Variants in PHKG1 observed in about 807,000 individuals in gnomAD.
PHKG1 encodes the protein phosphorylase kinase catalytic subunit gamma 1, also known as phosphorylase b kinase gamma catalytic chain, skeletal muscle/heart isoform.
A neutral mutation model predicts 50.5 loss-of-function variants in PHKG1; 48 were observed. That is an observed-to-expected ratio of 0.95 (90% CI 0.75 to 1.21). The LOEUF (loss-of-function observed/expected upper bound fraction) is 1.21, where lower values mean the gene tolerates loss of function less well. Ranked by LOEUF, PHKG1 falls within the 50% of genes most tolerant of loss-of-function variation. The pLI is 0.00. For synonymous variants in PHKG1, 204 were observed against 212.8 expected (o/e 0.96, Z 0.36); for missense variants, 487 against 519.5 (o/e 0.94, Z 0.61).
rs554814010 is a variant in PHKG1, at chr7:56,092,906, A to G, written c.-105T>C. 9.2e-5 allele frequency: 14 copies of G among 152,366 alleles called. 1 individual carries two copies. Among genetic ancestry groups the G allele is most frequent in the Admixed American group, 5.2e-4 (8 of 15,292 alleles). The allele number at this position is 152,366 out of a possible 1,614,324, so 9.4% of individuals were successfully genotyped here. ...AAGCCCCCCGGGGAGAGGGGACCAC[A>G]GAGGGCTGAAGCCGTGTCCCGAGCA... On this transcript the variant is annotated 5_prime_UTR_variant, in exon 1 of 10. Coordinates refer to ENST00000297373, the MANE Select transcript of PHKG1 (RefSeq NM_006213.5).
rs535811699 is a variant in PHKG1, at chr7:56,086,641, C to T, written c.317+329G>A. On this transcript the variant is annotated intron_variant, in intron 4 of 9. Coordinates refer to ENST00000297373, the MANE Select transcript of PHKG1 (RefSeq NM_006213.5). ...GTAGCTGGGGCCTCAGCCTCCCAAA[C>T]TGCTGGGATTACGGTTGTGAGCCAC... Among the ~76,000 whole-genome samples the T allele has an allele frequency of 1.3e-3, 196 of 150,936 alleles. 1 individual carries two copies. The highest frequency in any genetic ancestry group is 4.7e-3 in the African/African-American group (193 of 41,454).
intron 3 of PHKG1, 124 bp from the exon 4 acceptor site, chr7:56,087,148 A>G: frequency 1.4e-6 from 1 of 740,610 alleles, no homozygotes; most frequent in Non-Finnish European, 2.5e-6. Context: ...GGGAATCAGG[A>G]GGGTGCTCAA....
At chr7:56,086,846 G>A (rs538368965) in intron 4 of PHKG1, 124 bp downstream of exon 4, 15 of 798,504 alleles carry the variant, frequency 1.9e-5, no homozygotes, top group African/African-American at 1.5e-4. Flanking sequence ...TCTAAACACC[G>A]TGATTGTATT....
chr7:56,087,479 G>T, intron 3 of PHKG1, 119 bp downstream of exon 3: 1 of 892,714 alleles, frequency 1.1e-6, no homozygotes, highest in Non-Finnish European at 1.7e-6. Context: ...GTGGAGCTGG[G>T]AGCCTTGAGC....
chr7:56,090,976 C>T (rs941212644), intron 1 of PHKG1, among the ~76,000 whole-genome samples: 1 of 152,212 alleles, frequency 6.6e-6, no homozygotes, highest in Non-Finnish European at 1.5e-5. Flanking sequence ...CTTTGGGAGG[C>T]TGAGGTGGGC....
At chr7:56,087,996 T>TC (rs1796336574) in intron 2 of PHKG1, among the ~76,000 whole-genome samples, 1 of 26,054 alleles carries the variant, frequency 3.8e-5, no homozygotes, top group Non-Finnish European at 1.1e-4. Context: ...CGTGTGACTC[T>TC]TTTTTTTTTT....
At chr7:56,087,864 C>T (rs894341137) in intron 2 of PHKG1, 88 bp from the exon 3 acceptor site, 1 of 1,047,756 alleles carries the variant, frequency 9.5e-7, no homozygotes. Flanking sequence ...ATGTCCTGCC[C>T]TTGACAGAGA....
intron 2 of PHKG1, 136 bp downstream of exon 2, chr7:56,088,723 C>A: frequency 1.6e-6 from 1 of 617,932 alleles, no homozygotes; most frequent in Non-Finnish European, 2.9e-6. Flanking sequence ...GGACCCCAAA[C>A]AAAGGGTTTC....
chr7:56,084,375 T>C (rs1796160999), intron 4 of PHKG1: 1 of 529,614 alleles, frequency 1.9e-6, no homozygotes, highest in Non-Finnish European at 3.3e-6. Context: ...TCCCGATTTT[T>C]TTTTTTTTTT....
intron 4 of PHKG1, among the ~76,000 whole-genome samples, chr7:56,084,750 T>C (rs1796183930): frequency 6.6e-6 from 1 of 151,758 alleles, no homozygotes; most frequent in African/African-American, 2.4e-5. Context: ...GTTTGCCAAT[T>C]ACAGGATTAA....
Position 56,083,457 on chromosome 7 carries a change from C to G in PHKG1, c.384-16G>C, listed in dbSNP as rs762763873. On this transcript the variant is annotated splice_polypyrimidine_tract_variant and intron_variant, in intron 5 of 9. Transcript: ENST00000297373. The stretch of plus-strand genomic sequence containing the variant: ...CATGATCTTTCTAGGGTGGGGCACA[C>G]ACTTGTTACTCTTCCTCTGCTCAGG... The G allele has an allele frequency of 6.8e-6, 11 of 1,613,400 alleles. No homozygotes were observed. Among genetic ancestry groups the G allele is most frequent in the Non-Finnish European group, 5.1e-6 (6 of 1,179,428 alleles).
intron 4 of PHKG1, among the ~76,000 whole-genome samples, chr7:56,086,566 T>G (rs1317407337): frequency 6.6e-6 from 1 of 151,418 alleles, no homozygotes; most frequent in Non-Finnish European, 1.5e-5. Context: ...TCGGCTCACT[T>G]CAACCTCCGC....
intron 4 of PHKG1, among the ~76,000 whole-genome samples, chr7:56,084,418 G>A (rs1796164206): frequency 6.9e-6 from 1 of 145,952 alleles, no homozygotes; most frequent in South Asian, 2.1e-4. Flanking sequence ...TCATCACCCA[G>A]GCTGGAGTGC....
chr7:56,089,268 C>T (rs2117599484), intron 1 of PHKG1, among the ~76,000 whole-genome samples: 1 of 152,014 alleles, frequency 6.6e-6, no homozygotes, highest in South Asian at 2.1e-4. Flanking sequence ...GATGTGGTGG[C>T]ACACGCTTGT....
intron 1 of PHKG1, among the ~76,000 whole-genome samples, chr7:56,089,571 C>T (rs1192276572): frequency 6.6e-6 from 1 of 151,366 alleles, no homozygotes; most frequent in East Asian, 2.0e-4. Flanking sequence ...GGCTGGAGTG[C>T]AGTGGCACAA....
At position 56,081,196 on chromosome 7, in the gene PHKG1, C is replaced by A; in HGVS notation, c.1022G>T (p.Arg341Leu). Residue 341 changes from arginine to leucine, a missense_variant, in exon 10 of 10, where the codon CGG becomes CTG. Arg to Leu is a moderately radical substitution (Grantham distance 102). Transcript: ENST00000297373. The surrounding 1 kb of genome is among the most constrained non-coding windows in gnomAD (Gnocchi z 4.6). ...EIVIRDPYAL[R>L]PLRRLIDAYA... ...GGCGTCGATGAGCCGGCGCAGAGGC[C>A]GGAGGGCATAGGGGTCTCGGATGAC... 1 of 1,613,906 alleles carries A rather than the reference C, an allele frequency of 6.2e-7. No individual in the cohort carries two copies.
In PHKG1 at chr7:56,081,416, C is replaced by T; in HGVS notation, c.919-117G>A. ...GAAGCCTTGGGTGGCTTCTGCGGGG[C>T]CTTCCTAGTGTCCCCCACTTCCCAC... On this transcript the variant is annotated intron_variant, in intron 9 of 9. Transcript: ENST00000297373. The surrounding 1 kb of genome is among the most constrained non-coding windows in gnomAD (Gnocchi z 4.6). The T allele has an allele frequency of 7.3e-7, 1 of 1,369,340 alleles. No homozygotes were observed. Among genetic ancestry groups the T allele is most frequent in the Non-Finnish European group, 9.8e-7 (1 of 1,019,886 alleles). 84.8% of individuals were successfully genotyped at this position (1,369,340 alleles called of 1,614,324 possible).
intron 4 of PHKG1, chr7:56,086,759 T>G (rs753044159): frequency 2.1e-5 from 12 of 569,144 alleles, no homozygotes; most frequent in Non-Finnish European, 3.5e-5. Context: ...AAAACCAAGA[T>G]TTAAAGAAAT....
rs1795917986 is a variant in PHKG1 at position 56,080,548 on chromosome 7, G to GC, written c.*505dup. 1 of 169,844 alleles carries GC rather than the reference G, an allele frequency of 5.9e-6. No individual in the cohort carries two copies. Among genetic ancestry groups the GC allele is most frequent in the African/African-American group, 2.4e-5 (1 of 41,624 alleles). The allele number at this position is 169,844 out of a possible 1,614,324, so 10.5% of individuals were successfully genotyped here. On this transcript the variant is annotated 3_prime_UTR_variant, in exon 10 of 10. Transcript: ENST00000297373. Reference sequence around the variant, plus strand: ...CAAAGTGCTGGGATTACAGGTGTGAGCCACCTCGCCTGGGCCCCCTTCTCC... The same window carrying GC: ...CAAAGTGCTGGGATTACAGGTGTGAGCCCACCTCGCCTGGGCCCCCTTCTCC...
Sources: gnomAD v4.1 joint callset for allele counts (sites outside exome capture counted in the v4.1 genomes callset) on GRCh38, gnomAD v4.1.1 for gene constraint, Gnocchi (gnomAD v3.1) non-coding constraint, MANE v1.5 for transcripts, NCBI Gene and HGNC (gene_info 2026-07-23, HGNC 2026-07-21) for gene names.